DYNC1H1: variants seen among roughly 807,000 people sequenced by gnomAD.
The protein encoded by DYNC1H1 is dynein cytoplasmic 1 heavy chain 1.
In DYNC1H1, 51 loss-of-function variants were observed where a neutral mutation model predicts 527.1. The observed-to-expected ratio is 0.10, with a 90% CI of 0.08 to 0.12. DYNC1H1 has a LOEUF of 0.12. Among genes scored for constraint, DYNC1H1 ranks in the 10% least tolerant of loss-of-function variants. The pLI, the probability that DYNC1H1 is intolerant of heterozygous loss-of-function variation, is 1.00. For missense variants in DYNC1H1, 2,771 were observed against 5,971.8 expected (o/e 0.46, Z 17.66); for synonymous variants, 2,189 against 2,278.8 (o/e 0.96, Z 1.12).
At position 102,048,588 on chromosome 14, in the gene DYNC1H1, C is replaced by G. The variant is rs2048759149; in HGVS notation, c.13291C>G (p.Leu4431Val). 1.2e-6 allele frequency: 2 copies of G among 1,614,118 alleles called. No individual in the cohort carries two copies. Among genetic ancestry groups the G allele is most frequent in the Admixed American group, 1.7e-5 (1 of 60,012 alleles). Residue 4431 changes from leucine to valine, a missense_variant, in exon 74 of 78, where the codon CTT (leucine) becomes GTT (valine). Leu to Val is a conservative substitution (Grantham distance 32). Around this residue, in one of 32 missense-constraint regions of DYNC1H1, gnomAD observed 170 missense variants for 249.8 expected, o/e 0.68. Coordinates refer to ENST00000360184, the MANE Select transcript of DYNC1H1 (RefSeq NM_001376.5). ...AKLLQDVRQD[L>V]ADVVQVCEGK... The stretch of plus-strand genomic sequence containing the variant: ...GCTGCTTCAGGACGTTCGCCAGGAC[C>G]TTGCAGATGTCGTCCAGGTGTGCGA...
Position 101,979,615 on chromosome 14 carries a change from A to G in DYNC1H1, c.519-104A>G, listed in dbSNP as rs2047840428. ...AGCCGAGGGGATATAAACCCTGTGT[A>G]TTAATAAATATGTGTGTCATTACTA... On this transcript the variant is annotated intron_variant, in intron 3 of 77. Transcript: ENST00000360184. The surrounding 1 kb of genome is among the most constrained non-coding windows in gnomAD (Gnocchi z 4.6). 3.1e-6 allele frequency: 5 copies of G among 1,606,376 alleles called. No homozygotes were observed. The highest frequency in any genetic ancestry group is 2.7e-5 in the African/African-American group (2 of 74,766).
In DYNC1H1 at chr14:102,005,252, G is replaced by GA. The variant is rs140185574; in HGVS notation, c.5433+17dup. Reference sequence around the variant, plus strand: ...AGAACACTTGGTTAGTCTCACACCTGACTCCTTCCTTACCAGTTAGACTCT... The same window carrying GA: ...AGAACACTTGGTTAGTCTCACACCTGAACTCCTTCCTTACCAGTTAGACTCT... On this transcript the variant is annotated intron_variant, in intron 26 of 77. Coordinates refer to ENST00000360184, the MANE Select transcript of DYNC1H1 (RefSeq NM_001376.5). This position sits in a 1 kb window ranked among gnomAD's most constrained non-coding sequence, Gnocchi z 4.0. 1,804 of 1,614,046 alleles carry GA rather than the reference G, an allele frequency of 1.1e-3. 21 individuals are homozygous for GA. The African/African-American group carries it at 0.022, about 20-fold the overall frequency.
chr14:102,023,293 G>A (rs1373675691), intron 43 of DYNC1H1: 3 of 344,834 alleles, frequency 8.7e-6, no homozygotes, highest in African/African-American at 4.3e-5. Context: ...GCTCATGCCT[G>A]TAATCCCAGC....
chr14:101,998,068 A>T (rs909994498), intron 16 of DYNC1H1, among the ~76,000 whole-genome samples: 3 of 152,296 alleles, frequency 2.0e-5, no homozygotes, highest in Non-Finnish European at 4.4e-5. Flanking sequence ...AATTTTATTT[A>T]TTTTATTTTT....
intron 48 of DYNC1H1, chr14:102,028,358 A>C (rs1314444762): frequency 2.0e-6 from 1 of 502,482 alleles, no homozygotes; most frequent in East Asian, 4.1e-5. Flanking sequence ...CAAAAAATAC[A>C]AAGAAAATTA....
At chr14:102,037,554 G>C (rs1259744478) in intron 57 of DYNC1H1, 1 of 152,088 alleles carries the variant, frequency 6.6e-6, no homozygotes. Flanking sequence ...AGAAAACCAA[G>C]TACCAGATGT....
intron 44 of DYNC1H1, 54 bp downstream of exon 44, chr14:102,026,761 A>G: frequency 6.3e-7 from 1 of 1,597,806 alleles, no homozygotes; most frequent in Admixed American, 1.7e-5. Context: ...CTCTTGAGTA[A>G]GTGTGTGTGC....
Position 102,018,281 on chromosome 14 carries a change from G to C in DYNC1H1, c.8178-170G>C, listed in dbSNP as rs1312983598. Among the ~76,000 whole-genome samples, 1 of 152,176 alleles carries C rather than the reference G, an allele frequency of 6.6e-6. No homozygotes were observed. The highest frequency in any genetic ancestry group is 1.5e-5 in the Non-Finnish European group (1 of 68,038). On this transcript the variant is annotated intron_variant, in intron 40 of 77. Coordinates refer to ENST00000360184, the MANE Select transcript of DYNC1H1 (RefSeq NM_001376.5). This position sits in a 1 kb window ranked among gnomAD's most constrained non-coding sequence, Gnocchi z 5.2. ...TCGACTGTTGTGTGTCAGACCCCAA[G>C]CCTGAGCAGCGTGTGTGTGATCTCA...
chr14:101,999,280 G>A (rs558697490), intron 16 of DYNC1H1, among the ~76,000 whole-genome samples: 39 of 152,008 alleles, frequency 2.6e-4, no homozygotes, highest in South Asian at 2.1e-3. Flanking sequence ...GGGATCAAGC[G>A]TTGTAGCTGG....
At chr14:101,988,386 C>A (rs955202816) in intron 9 of DYNC1H1, among the ~76,000 whole-genome samples, 1 of 152,178 alleles carries the variant, frequency 6.6e-6, no homozygotes, top group Non-Finnish European at 1.5e-5. Context: ...AGCACACTTA[C>A]CAATCCACGC....
chr14:101,976,290 C>A (rs1299244637), intron 2 of DYNC1H1, among the ~76,000 whole-genome samples: 1 of 151,216 alleles, frequency 6.6e-6, no homozygotes, highest in Admixed American at 6.6e-5. Context: ...CGCCTGTAAT[C>A]CCAGCACTTT....
At position 102,043,896 on chromosome 14, in the gene DYNC1H1, T is replaced by C. The variant is rs923832247; in HGVS notation, c.12535T>C (p.Leu4179=). ...ICKSPNERAR[L]YFLLAWFHAI... ...CCAGTCTCCCAACGAGCGTGCCCGC[T>C]TGTACTTCCTGCTGGCCTGGTTTCA... The change falls in exon 70 of 78, where the codon TTG becomes CTG. Residue 4179 remains leucine (L), a synonymous_variant. Transcript: ENST00000360184. The C allele has an allele frequency of 9.9e-6, 16 of 1,614,212 alleles. No individual in the cohort carries two copies. Among genetic ancestry groups the C allele is most frequent in the Non-Finnish European group, 1.4e-5 (16 of 1,180,046 alleles).
At position 102,029,767 on chromosome 14, in the gene DYNC1H1, C is replaced by A; in HGVS notation, c.9643-52C>A. 6.2e-7 allele frequency: 1 copy of A among 1,614,166 alleles called. No individual in the cohort carries two copies. Among genetic ancestry groups the A allele is most frequent in the Non-Finnish European group, 8.5e-7 (1 of 1,180,032 alleles). On this transcript the variant is annotated intron_variant, in intron 49 of 77. Transcript: ENST00000360184. This position sits in a 1 kb window ranked among gnomAD's most constrained non-coding sequence, Gnocchi z 5.3. ...AGTGAGCTGCAGTGAGGACCCCTTT[C>A]CATATAATTTCTGCATGTTTCTCGT... is the stretch of plus-strand genomic sequence containing the variant.
intron 29 of DYNC1H1, among the ~76,000 whole-genome samples, chr14:102,008,964 G>A (rs1304010689): frequency 1.3e-5 from 2 of 152,224 alleles, no homozygotes; most frequent in Non-Finnish European, 2.9e-5. Flanking sequence ...TCTTTGCCAC[G>A]GGATGAGCGT....
In DYNC1H1 at chr14:102,041,768, G is replaced by T. The variant is rs1434755996; in HGVS notation, c.12102+34G>T. The T allele has an allele frequency of 1.2e-6, 2 of 1,613,140 alleles. No homozygotes were observed. The highest frequency in any genetic ancestry group is 1.7e-6 in the Non-Finnish European group (2 of 1,180,040). Reference sequence around the variant, plus strand: ...CTGGTACAGCCCGGGCTTCCCACGAGACTCCATGCCCACCTCCCCAGCCAC... The same window carrying T: ...CTGGTACAGCCCGGGCTTCCCACGATACTCCATGCCCACCTCCCCAGCCAC... On this transcript the variant is annotated intron_variant, in intron 65 of 77. Coordinates refer to ENST00000360184, the MANE Select transcript of DYNC1H1 (RefSeq NM_001376.5). This position sits in a 1 kb window ranked among gnomAD's most constrained non-coding sequence, Gnocchi z 4.5.
chr14:102,004,096 T>A (rs1032153847), intron 23 of DYNC1H1, among the ~76,000 whole-genome samples: 12 of 149,976 alleles, frequency 8.0e-5, no homozygotes, highest in Admixed American at 7.3e-4. Context: ...AAAAAAAAAT[T>A]AGCCGGGCGT....
chr14:101,973,462 A>G (rs2047762943), intron 1 of DYNC1H1, among the ~76,000 whole-genome samples: 1 of 151,980 alleles, frequency 6.6e-6, no homozygotes, highest in Non-Finnish European at 1.5e-5. Context: ...GCCTGGCCAG[A>G]TAGACTAATA....
In DYNC1H1 at chr14:102,038,936, A is replaced by T; in HGVS notation, c.11207-65A>T. On this transcript the variant is annotated intron_variant, in intron 59 of 77. Coordinates refer to ENST00000360184, the MANE Select transcript of DYNC1H1 (RefSeq NM_001376.5). This position sits in a 1 kb window ranked among gnomAD's most constrained non-coding sequence, Gnocchi z 7.2. Reference sequence around the variant, plus strand: ...GACTAGGATGTTCCACGTTTGTGGCAAACACTTCTGAGAGCATACCTTTTG... The same window carrying T: ...GACTAGGATGTTCCACGTTTGTGGCTAACACTTCTGAGAGCATACCTTTTG... 1.2e-6 allele frequency: 2 copies of T among 1,613,994 alleles called. No homozygotes were observed. The highest frequency in any genetic ancestry group is 1.7e-6 in the Non-Finnish European group (2 of 1,180,036).
At chr14:102,025,398 CTG>C (rs1406709482) in intron 43 of DYNC1H1, among the ~76,000 whole-genome samples, 1 of 148,758 alleles carries the variant, frequency 6.7e-6, no homozygotes, top group Non-Finnish European at 1.5e-5. Flanking sequence ...GAGGGAGACT[CTG>C]TCTCAAAAAA....
Sources: gnomAD v4.1 joint callset for allele counts (sites outside exome capture counted in the v4.1 genomes callset) on GRCh38, gnomAD v4.1.1 for gene constraint, gnomAD v4.1.1 regional missense constraint, Gnocchi (gnomAD v3.1) non-coding constraint, MANE v1.5 for transcripts, NCBI Gene and HGNC (gene_info 2026-07-23, HGNC 2026-07-21) for gene names.